Variants in PTPRQ observed in about 807,000 individuals in gnomAD.
PTPRQ encodes protein tyrosine phosphatase receptor type Q, also known as phosphatidylinositol phosphatase PTPRQ.
A neutral mutation model predicts 246.0 loss-of-function variants in PTPRQ; 199 were observed. That is an observed-to-expected ratio of 0.81 (90% CI 0.72 to 0.91). The LOEUF (loss-of-function observed/expected upper bound fraction) is 0.91. PTPRQ is among the 40% of genes least tolerant of loss of function. PTPRQ has a pLI of 0.00. For synonymous variants in PTPRQ, 869 were observed against 853.2 expected, an observed-to-expected ratio of 1.02 and a Z score of -0.32; for missense variants, 2,624 against 2,528.4, an observed-to-expected ratio of 1.04 and a Z score of -0.81.
At chr12:80,460,545 G>A (rs538597364) in intron 5 of PTPRQ, 108 bp from the exon 6 acceptor site, 7 of 395,808 alleles carry the variant, frequency 1.8e-5, no homozygotes, top group Admixed American at 1.8e-4. Context: ...TGCATGTTAT[G>A]TGTGTATGTA....
rs747171359 is a variant in PTPRQ at position 80,632,199 on chromosome 12, A to C, written c.5694A>C (p.Gly1898=). 1.3e-5 allele frequency: 20 copies of C among 1,550,956 alleles called. No individual in the cohort carries two copies. The South Asian group carries it at 2.0e-4, about 16-fold the overall frequency. ...GTTATCCCTCTTCTCCAGGGGAAGG[A>C]CTTTCAGAAAGAACCGTAGAGATCA... ...YSDPVKTLGE[G]LSERTVEIIL... is the part of the protein sequence containing the mutation. Residue 1898 remains glycine, a synonymous_variant, in exon 34 of 45, where the codon GGA becomes GGC. Coordinates refer to ENST00000644991, the MANE Select transcript of PTPRQ (RefSeq NM_001145026.2).
intron 26 of PTPRQ, among the ~76,000 whole-genome samples, chr12:80,592,288 G>C (rs1897825923): frequency 6.6e-6 from 1 of 152,136 alleles, no homozygotes; most frequent in Non-Finnish European, 1.5e-5. Context: ...TTTAAATTTT[G>C]ACGATGAGTT....
intron 42 of PTPRQ, among the ~76,000 whole-genome samples, chr12:80,671,951 T>G (rs1900983841): frequency 6.6e-6 from 1 of 152,000 alleles, no homozygotes; most frequent in Non-Finnish European, 1.5e-5. Flanking sequence ...TGCTGCCACC[T>G]CAGGTCTGTT....
At chr12:80,654,204 C>G (rs893273812) in intron 38 of PTPRQ, among the ~76,000 whole-genome samples, 7 of 152,248 alleles carry the variant, frequency 4.6e-5, no homozygotes, top group African/African-American at 1.7e-4. Context: ...CAAGCAATCT[C>G]CTGCCTCAGC....
At chr12:80,452,949 C>A (rs1423645949) in intron 3 of PTPRQ, among the ~76,000 whole-genome samples, 1 of 152,176 alleles carries the variant, frequency 6.6e-6, no homozygotes, top group Non-Finnish European at 1.5e-5. Context: ...TGGATAATAT[C>A]CTGCACAGTG....
At chr12:80,563,368 C>T (rs540771864) in intron 25 of PTPRQ, among the ~76,000 whole-genome samples, 2 of 151,722 alleles carry the variant, frequency 1.3e-5, no homozygotes, top group Admixed American at 6.6e-5. Context: ...TAATCCCACT[C>T]GTGAGGGCAG....
intron 43 of PTPRQ, among the ~76,000 whole-genome samples, chr12:80,677,021 C>T (rs1312233285): frequency 6.6e-6 from 1 of 152,084 alleles, no homozygotes; most frequent in Non-Finnish European, 1.5e-5. Context: ...GCTTTCTTGG[C>T]AATAACACAT....
At chr12:80,503,450 A>G (rs1894862837) in intron 14 of PTPRQ, among the ~76,000 whole-genome samples, 1 of 151,852 alleles carries the variant, frequency 6.6e-6, no homozygotes, top group Non-Finnish European at 1.5e-5. Context: ...ACCATAACCC[A>G]ATAACTGGTA....
chr12:80,493,950 C>T (rs762635029), intron 10 of PTPRQ, among the ~76,000 whole-genome samples: 5 of 151,984 alleles, frequency 3.3e-5, no homozygotes, highest in African/African-American at 4.8e-5. Flanking sequence ...GTGGCTCTTA[C>T]AGTTTCTAAA....
At chr12:80,610,368 T>G in intron 27 of PTPRQ, 71 bp from the exon 28 acceptor site, 1 of 1,323,728 alleles carries the variant, frequency 7.6e-7, no homozygotes, top group African/African-American at 1.5e-5. Flanking sequence ...CACGTAGCTT[T>G]GTATTATTAT....
intron 25 of PTPRQ, among the ~76,000 whole-genome samples, chr12:80,584,514 T>A (rs1897546330): frequency 6.6e-6 from 1 of 152,188 alleles, no homozygotes; most frequent in Non-Finnish European, 1.5e-5. Flanking sequence ...TACTGTGACA[T>A]TTTTTATAGC....
chr12:80,509,921 T>C (rs1489770029), intron 16 of PTPRQ, among the ~76,000 whole-genome samples: 1 of 152,116 alleles, frequency 6.6e-6, no homozygotes, highest in Non-Finnish European at 1.5e-5. Context: ...TCCCAACTTC[T>C]TGGATGTGTG....
intron 25 of PTPRQ, among the ~76,000 whole-genome samples, chr12:80,578,640 G>T (rs575439857): frequency 6.6e-6 from 1 of 152,024 alleles, no homozygotes; most frequent in African/African-American, 2.4e-5. Flanking sequence ...TGATCCGCCC[G>T]CCTTGGCCTC....
At chr12:80,506,279 T>G in intron 15 of PTPRQ, 73 bp downstream of exon 15, 3 of 1,355,160 alleles carry the variant, frequency 2.2e-6, no homozygotes, top group Non-Finnish European at 2.9e-6. Flanking sequence ...AGTTTAATGT[T>G]AATAGTTTCA....
intron 35 of PTPRQ, among the ~76,000 whole-genome samples, chr12:80,647,741 GTA>G (rs796983421): frequency 6.6e-6 from 1 of 152,030 alleles, no homozygotes; most frequent in South Asian, 2.1e-4. Flanking sequence ...TCACTCTAGG[GTA>G]TTGTGGGGCA....
At chr12:80,474,545 CTT>C (rs1026037128) in intron 8 of PTPRQ, among the ~76,000 whole-genome samples, 27 of 152,260 alleles carry the variant, frequency 1.8e-4, no homozygotes, top group Non-Finnish European at 1.0e-4. Flanking sequence ...TAGCAGTTCT[CTT>C]ATGTATTTCC....
chr12:80,582,066 T>A (rs1897458944), intron 25 of PTPRQ, among the ~76,000 whole-genome samples: 3 of 152,198 alleles, frequency 2.0e-5, no homozygotes, highest in African/African-American at 7.2e-5. Context: ...CACACATATG[T>A]GTGGAATATG....
chr12:80,610,628 A>T lies in PTPRQ; in HGVS notation c.4918+3A>T. 16 of 1,541,096 alleles carry T rather than the reference A, an allele frequency of 1.0e-5. No homozygotes were observed. The highest frequency in any genetic ancestry group is 1.4e-5 in the African/African-American group (1 of 72,400). ...GATTGTTACTACTTTAGAATCAGGT[A>T]AGGAGAATTTCTCAACCTTGCTAAA... On this transcript the variant is annotated splice_donor_region_variant and intron_variant, in intron 28 of 44. Transcript: ENST00000644991.
intron 8 of PTPRQ, among the ~76,000 whole-genome samples, chr12:80,479,855 G>A (rs1414604871): frequency 2.0e-5 from 3 of 152,050 alleles, no homozygotes; most frequent in South Asian, 2.1e-4. Context: ...CAATACAGGA[G>A]CACCCAGATT....
Sources: allele counts gnomAD v4.1 joint callset (sites outside exome capture counted in the v4.1 genomes callset), GRCh38; gene constraint gnomAD v4.1.1; transcripts MANE v1.5; gene names NCBI Gene and HGNC (gene_info 2026-07-23, HGNC 2026-07-21).